The following CAPN7 variants were observed in gnomAD, a reference collection of about 807,000 sequenced individuals.
CAPN7 encodes calpain-7.
CAPN7 carries 72 observed loss-of-function variants against 115.2 expected under a neutral mutation model. The ratio of observed to expected loss-of-function variants is 0.63; its 90% CI spans 0.52 to 0.76. CAPN7 has a LOEUF of 0.76. Ranked by LOEUF, CAPN7 falls within the 30% of genes least tolerant of loss-of-function variation. CAPN7 has a pLI of 0.00. For missense variants in CAPN7, 905 were observed against 971.5 expected (o/e 0.93, Z 0.91); for synonymous variants, 344 against 322.3 (o/e 1.07, Z -0.72).
intron 6 of CAPN7, among the ~76,000 whole-genome samples, chr3:15,226,568 T>C (rs1238668371): frequency 6.6e-6 from 1 of 152,232 alleles, no homozygotes; most frequent in East Asian, 1.9e-4. Flanking sequence ...GAGCTGTCTT[T>C]AAACTCTTCT....
At chr3:15,232,807 C>T (rs1433704566) in intron 10 of CAPN7, 142 bp downstream of exon 10, 13 of 635,784 alleles carry the variant, frequency 2.0e-5, no homozygotes, top group East Asian at 3.1e-5. Context: ...GACCAGTCCC[C>T]GTATTATGGG....
intron 6 of CAPN7, among the ~76,000 whole-genome samples, chr3:15,224,088 C>G (rs993054661): frequency 6.6e-6 from 1 of 152,118 alleles, no homozygotes; most frequent in Non-Finnish European, 1.5e-5. Context: ...AATAAGGACA[C>G]TCATCAAAGC....
intron 3 of CAPN7, among the ~76,000 whole-genome samples, chr3:15,218,031 C>G (rs1693742656): frequency 6.6e-6 from 1 of 152,190 alleles, no homozygotes; most frequent in African/African-American, 2.4e-5. Flanking sequence ...CAAGGGACAT[C>G]TAGTGCATAA....
At chr3:15,210,682 C>T (rs2044889837) in intron 1 of CAPN7, 1 of 660,690 alleles carries the variant, frequency 1.5e-6, no homozygotes, top group South Asian at 1.6e-5. Context: ...GCAGCCTCCA[C>T]CTCCCAGGGC....
At chr3:15,239,030 G>T (rs1231111321) in intron 12 of CAPN7, among the ~76,000 whole-genome samples, 2 of 152,024 alleles carry the variant, frequency 1.3e-5, no homozygotes, top group Non-Finnish European at 2.9e-5. Context: ...CTTTTAGGAA[G>T]TGTTGAGAGT....
intron 1 of CAPN7, among the ~76,000 whole-genome samples, chr3:15,209,484 T>C (rs561867745): frequency 1.3e-5 from 2 of 152,330 alleles, no homozygotes; most frequent in African/African-American, 4.8e-5. Flanking sequence ...TCCCTTAATA[T>C]TTATGCTAGG....
In CAPN7 at chr3:15,227,869, TA is replaced by T; in HGVS notation, c.759del (p.Lys253AsnfsTer21). The T allele has an allele frequency of 6.4e-7, 1 of 1,559,030 alleles. No individual in the cohort carries two copies. The highest frequency in any genetic ancestry group is 1.8e-5 in the Admixed American group (1 of 54,294). On this transcript the variant is annotated frameshift_variant, in exon 7 of 21. Transcript: ENST00000253693. LOFTEE classifies it high-confidence loss of function. Reference sequence around the variant, plus strand: ...GATGGGGCAAGCTACCATTATCACCTAAACAAAAAACTACATTTTCCAAGTG... The same window carrying T: ...GATGGGGCAAGCTACCATTATCACCTAACAAAAAACTACATTTTCCAAGTG... ...DRWGKLPLSPKQKTTFSKWVR... is the reference protein window; with the variant it reads ...DRWGKLPLSPXQKTTFSKWVR...
intron 5 of CAPN7, 178 bp downstream of exon 5, chr3:15,221,159 ATATTTTATTT>A: frequency 2.1e-6 from 1 of 487,538 alleles, no homozygotes; most frequent in East Asian, 3.4e-5. Flanking sequence ...TAGTTCTGAT[ATATTTTATTT>A]TATTTTATTA....
intron 19 of CAPN7, 80 bp from the exon 20 acceptor site, chr3:15,250,851 C>A: frequency 1.0e-6 from 1 of 975,394 alleles, no homozygotes; most frequent in Non-Finnish European, 1.6e-6. Context: ...AGTATGACAT[C>A]TGCACTTCAG....
chr3:15,220,254 T>G (rs1453924834), intron 4 of CAPN7, among the ~76,000 whole-genome samples: 1 of 152,178 alleles, frequency 6.6e-6, no homozygotes, highest in African/African-American at 2.4e-5. Flanking sequence ...TTGTGCTGTT[T>G]CATACTTCTG....
At position 15,227,165 on chromosome 3, in the gene CAPN7, G is replaced by T. The variant is rs150781324; in HGVS notation, c.726-674G>T. ...GGGGAAAGGTAGATGTTTCCCCTTG[G>T]TGTACACATCAATTTTAGAGAAACA... On this transcript the variant is annotated intron_variant, in intron 6 of 20. Coordinates refer to ENST00000253693, the MANE Select transcript of CAPN7 (RefSeq NM_014296.3). 7.2e-3 allele frequency among the ~76,000 whole-genome samples: 1,100 copies of T among 151,968 alleles called. 12 individuals carry two copies. The highest frequency in any genetic ancestry group is 0.023 in the African/African-American group (968 of 41,414).
At chr3:15,215,372 CT>C (rs1225290406) in intron 2 of CAPN7, among the ~76,000 whole-genome samples, 15 of 152,212 alleles carry the variant, frequency 9.9e-5, no homozygotes, top group African/African-American at 3.6e-4. Flanking sequence ...AAAATTCACC[CT>C]CTTAAAGTAT....
chr3:15,241,001 T>C (rs1695310942), intron 14 of CAPN7, 148 bp downstream of exon 14: 1 of 553,458 alleles, frequency 1.8e-6, no homozygotes, highest in Non-Finnish European at 3.2e-6. Flanking sequence ...CCTCAGGAGT[T>C]CTAGACCAGG....
intron 2 of CAPN7, among the ~76,000 whole-genome samples, chr3:15,216,724 A>T (rs1281866193): frequency 6.6e-6 from 1 of 152,230 alleles, no homozygotes; most frequent in Non-Finnish European, 1.5e-5. Context: ...CTTAATATTT[A>T]GCAATTTCCA....
intron 4 of CAPN7, among the ~76,000 whole-genome samples, 171 bp from the exon 5 acceptor site, chr3:15,220,610 C>G (rs1693920796): frequency 6.6e-6 from 1 of 152,140 alleles, no homozygotes; most frequent in Non-Finnish European, 1.5e-5. Flanking sequence ...GTAAAAGATG[C>G]TTATCTTTGG....
intron 8 of CAPN7, among the ~76,000 whole-genome samples, chr3:15,229,879 A>G (rs2124951985): frequency 6.6e-6 from 1 of 152,340 alleles, no homozygotes; most frequent in South Asian, 2.1e-4. Context: ...ACTAAGCATT[A>G]TAATTTTTTC....
intron 9 of CAPN7, among the ~76,000 whole-genome samples, chr3:15,231,869 A>G (rs1434669938): frequency 6.6e-6 from 1 of 152,108 alleles, no homozygotes; most frequent in Non-Finnish European, 1.5e-5. Context: ...GTATCTGATG[A>G]CTTCCTCTGT....
In CAPN7 at chr3:15,206,415, C is replaced by G. The variant is rs561073392; in HGVS notation, c.-81C>G. ...TTCCGCGGCGCTCCCGAGTCCTCGC[C>G]GCCGCCGGGCCGCCGCAGTCCGCGA... On this transcript the variant is annotated 5_prime_UTR_variant, in exon 1 of 21. Transcript: ENST00000253693. 1.8e-6 allele frequency: 2 copies of G among 1,100,082 alleles called. No individual in the cohort carries two copies. The highest frequency in any genetic ancestry group is 2.6e-6 in the Non-Finnish European group (2 of 761,908). The allele number at this position is 1,100,082 out of a possible 1,614,324, so 68.1% of individuals were successfully genotyped here.
chr3:15,233,783 A>G, intron 10 of CAPN7, 84 bp from the exon 11 acceptor site: 3 of 741,214 alleles, frequency 4.0e-6, no homozygotes, highest in Non-Finnish European at 7.1e-6. Flanking sequence ...TCATTATGCC[A>G]AATCAGTGAG....
Sources: allele counts gnomAD v4.1 joint callset (sites outside exome capture counted in the v4.1 genomes callset), GRCh38; gene constraint gnomAD v4.1.1; transcripts MANE v1.5; gene names NCBI Gene and HGNC (gene_info 2026-07-23, HGNC 2026-07-21).